UQCRC1: variants seen among roughly 807,000 people sequenced by gnomAD.
UQCRC1 encodes ubiquinol-cytochrome c reductase core protein 1, also known as cytochrome b-c1 complex subunit 1, mitochondrial.
UQCRC1 carries 34 observed loss-of-function variants against 58.0 expected under a neutral mutation model. That is an observed-to-expected ratio of 0.59 (90% confidence interval 0.45 to 0.78). UQCRC1 has a LOEUF of 0.78. UQCRC1 is among the 30% of genes least tolerant of loss of function. The pLI is 0.00. For missense variants in UQCRC1, 610 were observed against 646.0 expected (o/e 0.94, Z 0.60); for synonymous variants, 276 against 248.8 (o/e 1.11, Z -1.03).
At position 48,609,538 on chromosome 3, in the gene UQCRC1, C is replaced by A; in HGVS notation, c.69+14G>T. 2 of 1,566,616 alleles carry A rather than the reference C, an allele frequency of 1.3e-6. No homozygotes were observed. The highest frequency in any genetic ancestry group is 8.6e-7 in the Non-Finnish European group (1 of 1,162,024). ...GCCCTGTCCCGAAGCCCCGCGCTCT[C>A]GCCACCACCTCACCGAGCGGCGGGC... On this transcript the variant is annotated intron_variant, in intron 1 of 12. Transcript: ENST00000203407.
chr3:48,601,637 T>A lies in UQCRC1; in HGVS notation c.707-170A>T, dbSNP rs377688362. Among the ~76,000 whole-genome samples the A allele has an allele frequency of 4.6e-5, 7 of 152,300 alleles. No homozygotes were observed. In the East Asian group the frequency reaches 9.6e-4, roughly 21 times the overall value. On this transcript the variant is annotated intron_variant, in intron 6 of 12. Coordinates refer to ENST00000203407, the MANE Select transcript of UQCRC1 (RefSeq NM_003365.3). ...AGGTCCTCCTCAGACAGACCCTGCCTTGTGGACAGGACAGGCACCTCAGGG... is the reference window on the plus strand; with the variant it reads ...AGGTCCTCCTCAGACAGACCCTGCCATGTGGACAGGACAGGCACCTCAGGG...
chr3:48,599,327 C>T, intron 12 of UQCRC1, 135 bp from the exon 13 acceptor site: 1 of 1,082,844 alleles, frequency 9.2e-7, no homozygotes, highest in Non-Finnish European at 1.3e-6. Flanking sequence ...GAGGAGAGAA[C>T]ATTCCCCCAG....
In UQCRC1 at chr3:48,601,297, G is replaced by C. The variant is rs1035287322; in HGVS notation, c.822+55C>G. 8.1e-6 allele frequency: 13 copies of C among 1,596,426 alleles called. No homozygotes were observed. The Admixed American group carries it at 8.6e-5, about 11-fold the overall frequency. On this transcript the variant is annotated intron_variant, in intron 7 of 12. Coordinates refer to ENST00000203407, the MANE Select transcript of UQCRC1 (RefSeq NM_003365.3). ...GTCACCAGGATAACCATGCACATGG[G>C]GGTCCTCCCACAGGCCCCCAGCTGA...
intron 3 of UQCRC1, among the ~76,000 whole-genome samples, chr3:48,605,006 A>C (rs1411152624): frequency 1.3e-5 from 2 of 152,210 alleles, no homozygotes; most frequent in African/African-American, 4.8e-5. Context: ...CAGGGCCAGG[A>C]CTGAAGGGCA....
Position 48,604,297 on chromosome 3 carries a change from G to A in UQCRC1, c.562C>T (p.His188Tyr). The change falls in exon 5 of 13, where the codon CAT (histidine) becomes TAT (tyrosine). Residue 188 changes from histidine to tyrosine, a missense_variant. By Grantham distance (83) the His-to-Tyr change is moderately conservative. Coordinates refer to ENST00000203407, the MANE Select transcript of UQCRC1 (RefSeq NM_003365.3). ...SMRDVVFNYL[H>Y]ATAFQGTPLA... ...GGTGTGCCCTGGAATGCTGTGGCAT[G>A]CAGGTAGTTAAAGACCACATCTCGC... 1 of 1,613,780 alleles carries A rather than the reference G, an allele frequency of 6.2e-7. No homozygotes were observed. The highest frequency in any genetic ancestry group is 8.5e-7 in the Non-Finnish European group (1 of 1,180,042).
At position 48,606,758 on chromosome 3, in the gene UQCRC1, T is replaced by A. The variant is rs923000945; in HGVS notation, c.211-902A>T. ...CTCCATCTCAAAAAAAAAAAAAAAA[T>A]GTAAAAGAAACACGTACCACTCACC... On this transcript the variant is annotated intron_variant, in intron 2 of 12. Coordinates refer to ENST00000203407, the MANE Select transcript of UQCRC1 (RefSeq NM_003365.3). Among the ~76,000 whole-genome samples, 837 of 149,216 alleles carry A rather than the reference T, an allele frequency of 5.6e-3. 2 individuals are homozygous for A. The highest frequency in any genetic ancestry group is 8.7e-3 in the Non-Finnish European group (585 of 67,336).
intron 10 of UQCRC1, 26 bp from the exon 11 acceptor site, chr3:48,600,177 G>A: frequency 6.2e-7 from 1 of 1,612,344 alleles, no homozygotes; most frequent in East Asian, 2.2e-5. Flanking sequence ...AAGGCTCAGA[G>A]GTCCACCCAG....
chr3:48,600,249 T>C, intron 10 of UQCRC1, 98 bp from the exon 11 acceptor site: 1 of 1,358,702 alleles, frequency 7.4e-7, no homozygotes, highest in Non-Finnish European at 1.0e-6. Context: ...AGGACCTCCC[T>C]GACCTCATGC....
chr3:48,604,603 T>C, intron 4 of UQCRC1, 48 bp downstream of exon 4: 1 of 1,612,000 alleles, frequency 6.2e-7, no homozygotes, highest in South Asian at 1.1e-5. Context: ...TAGGTAGCTG[T>C]CCTCTGCTTC....
chr3:48,609,082 G>A (rs901269327), intron 2 of UQCRC1, 80 bp downstream of exon 2: 7 of 1,527,566 alleles, frequency 4.6e-6, no homozygotes, highest in East Asian at 2.3e-5. Context: ...GAAGACTCGA[G>A]CCCAAGGTCA....
intron 4 of UQCRC1, 43 bp from the exon 5 acceptor site, chr3:48,604,474 G>A (rs1302980138): frequency 1.2e-6 from 2 of 1,605,106 alleles, no homozygotes; most frequent in Non-Finnish European, 1.7e-6. Context: ...GTGGACCACT[G>A]CAGACCAACG....
chr3:48,603,444 T>G, intron 6 of UQCRC1, 120 bp downstream of exon 6: 1 of 928,788 alleles, frequency 1.1e-6, no homozygotes, highest in Non-Finnish European at 1.7e-6. Flanking sequence ...CCCCTCAAGG[T>G]TAGGGTGGGA....
chr3:48,607,208 A>AT (rs1310223315), intron 2 of UQCRC1, among the ~76,000 whole-genome samples: 3 of 151,964 alleles, frequency 2.0e-5, no homozygotes, highest in Non-Finnish European at 4.4e-5. Flanking sequence ...CGCCCGGCTA[A>AT]TTTTTTGTAT....
Position 48,609,519 on chromosome 3 carries a change from TC to T in UQCRC1, c.69+32del, listed in dbSNP as rs746431496. 2.6e-5 allele frequency: 40 copies of T among 1,547,694 alleles called. No homozygotes were observed. In the African/African-American group the frequency reaches 4.7e-4, roughly 18 times the overall value. On this transcript the variant is annotated intron_variant, in intron 1 of 12. Transcript: ENST00000203407. ...CACCTGTCCGCTTCCCGAAGCCCTG[TC>T]CCGAAGCCCCGCGCTCTCGCCACCA...
Position 48,600,144 on chromosome 3 carries a change from A to C in UQCRC1, c.1221T>G (p.Thr407=), listed in dbSNP as rs2046350615. ...TGCGTCCGATGTCCTCACACACAGG[A>C]GTAGTGCCTTTAAGGGTGAGAGAAG... is the stretch of plus-strand genomic sequence containing the variant. ...NALVSHLDGT[T]PVCEDIGRSL... The change falls in exon 11 of 13, where the codon ACT becomes ACG. Residue 407 remains threonine, a synonymous_variant. Coordinates refer to ENST00000203407, the MANE Select transcript of UQCRC1 (RefSeq NM_003365.3). 1 of 1,614,078 alleles carries C rather than the reference A, an allele frequency of 6.2e-7. No individual in the cohort carries two copies. The highest frequency in any genetic ancestry group is 1.3e-5 in the African/African-American group (1 of 75,024).
At chr3:48,608,730 T>C (rs2046435656) in intron 2 of UQCRC1, among the ~76,000 whole-genome samples, 1 of 152,252 alleles carries the variant, frequency 6.6e-6, no homozygotes, top group Non-Finnish European at 1.5e-5. Context: ...ACACATTTCA[T>C]TGTACTGTTA....
At chr3:48,608,508 C>T (rs1037710545) in intron 2 of UQCRC1, among the ~76,000 whole-genome samples, 2 of 152,204 alleles carry the variant, frequency 1.3e-5, no homozygotes, top group African/African-American at 4.8e-5. Context: ...TTGCAGGCCA[C>T]CTTTTCCTAT....
At chr3:48,606,351 C>A (rs770261838) in intron 2 of UQCRC1, among the ~76,000 whole-genome samples, 5 of 152,136 alleles carry the variant, frequency 3.3e-5, no homozygotes, top group Non-Finnish European at 7.3e-5. Context: ...CCTATAATAT[C>A]TTTTTTGTTG....
intron 2 of UQCRC1, among the ~76,000 whole-genome samples, chr3:48,606,186 G>A (rs1163111270): frequency 2.0e-5 from 3 of 152,148 alleles, no homozygotes; most frequent in Non-Finnish European, 2.9e-5. Context: ...ATTTGTTTTT[G>A]TCTAAGCATA....
Sources: allele counts gnomAD v4.1 joint callset (sites outside exome capture counted in the v4.1 genomes callset), GRCh38; gene constraint gnomAD v4.1.1; transcripts MANE v1.5; gene names NCBI Gene and HGNC (gene_info 2026-07-23, HGNC 2026-07-21).